The following ABCA13 variants were observed in gnomAD, a reference collection of about 807,000 sequenced individuals.
ABCA13 encodes the protein ATP-binding cassette sub-family A member 13.
In ABCA13, 476 loss-of-function variants were observed where a neutral mutation model predicts 478.7. The observed-to-expected ratio is 0.99, with a 90% confidence interval of 0.92 to 1.07. The LOEUF is 1.07. ABCA13 is among the 50% of genes least tolerant of loss of function. The pLI, the probability that ABCA13 is intolerant of heterozygous loss-of-function variation, is 0.00. For synonymous variants in ABCA13, 2,252 were observed against 2,158.9 expected (o/e 1.04, Z -1.20); for missense variants, 6,060 against 5,910.6 (o/e 1.03, Z -0.83).
intron 58 of ABCA13, among the ~76,000 whole-genome samples, chr7:48,604,087 T>C (rs910141341): frequency 1.3e-5 from 2 of 152,236 alleles, no homozygotes; most frequent in African/African-American, 4.8e-5. Flanking sequence ...ATCCCCTTTA[T>C]CATTTTTTAT....
At chr7:48,319,082 A>G (rs561545713) in intron 27 of ABCA13, among the ~76,000 whole-genome samples, 1 of 152,262 alleles carries the variant, frequency 6.6e-6, no homozygotes, top group Non-Finnish European at 1.5e-5. Context: ...CCCTGGAAAG[A>G]AAGATTGGGC....
chr7:48,283,178 G>T (rs1797280170), intron 19 of ABCA13, among the ~76,000 whole-genome samples: 1 of 152,088 alleles, frequency 6.6e-6, no homozygotes, highest in Non-Finnish European at 1.5e-5. Context: ...TCCACTATCA[G>T]AAGAGGAAGG....
intron 58 of ABCA13, among the ~76,000 whole-genome samples, chr7:48,614,776 A>G (rs1366149317): frequency 6.0e-5 from 9 of 149,724 alleles, no homozygotes; most frequent in African/African-American, 2.2e-4. Context: ...TGAGTAAACT[A>G]TCGCAAGAAC....
At chr7:48,469,852 G>A (rs1230229346) in intron 44 of ABCA13, among the ~76,000 whole-genome samples, 3 of 151,936 alleles carry the variant, frequency 2.0e-5, no homozygotes, top group East Asian at 1.9e-4. Context: ...CCCAGGAGGC[G>A]GAGGTTGTAG....
intron 15 of ABCA13, among the ~76,000 whole-genome samples, chr7:48,253,544 T>C (rs1440059814): frequency 6.6e-6 from 1 of 152,224 alleles, no homozygotes; most frequent in Non-Finnish European, 1.5e-5. Flanking sequence ...TCTAGTGCAA[T>C]GGTGCAATCT....
At chr7:48,292,949 G>A (rs1378714130) in intron 20 of ABCA13, among the ~76,000 whole-genome samples, 1 of 152,176 alleles carries the variant, frequency 6.6e-6, no homozygotes, top group African/African-American at 2.4e-5. Context: ...ATGAATGAAT[G>A]AACAGTCCTA....
chr7:48,622,927 A>T (rs1196992863), intron 59 of ABCA13, among the ~76,000 whole-genome samples: 1 of 152,130 alleles, frequency 6.6e-6, no homozygotes, highest in Non-Finnish European at 1.5e-5. Flanking sequence ...GAACCCCAGC[A>T]TTCTGGTGCT....
intron 41 of ABCA13, among the ~76,000 whole-genome samples, chr7:48,422,529 G>A (rs773592922): frequency 1.3e-5 from 2 of 152,178 alleles, no homozygotes; most frequent in Non-Finnish European, 2.9e-5. Context: ...GTAATGAGCT[G>A]ACCAAAATCA....
chr7:48,497,433 C>A (rs923525354), intron 48 of ABCA13, among the ~76,000 whole-genome samples: 1 of 152,016 alleles, frequency 6.6e-6, no homozygotes, highest in Non-Finnish European at 1.5e-5. Context: ...TTTTTTATTG[C>A]CTTTTTCAAC....
chr7:48,339,183 G>T (rs1368435313), intron 29 of ABCA13, among the ~76,000 whole-genome samples: 1 of 152,120 alleles, frequency 6.6e-6, no homozygotes, highest in African/African-American at 2.4e-5. Context: ...AAGGGTTTCG[G>T]ATCTGCCTTA....
rs1810601670 is a variant in ABCA13, at chr7:48,360,191, T to TC, written c.10689-7598dup. On this transcript the variant is annotated intron_variant, in intron 31 of 61. Coordinates refer to ENST00000435803, the MANE Select transcript of ABCA13 (RefSeq NM_152701.5). ...ATCTCCTAATGCTATCCCTCCCCCC[T>TC]CCCCCACCCCATGACAGGCCCCGGT... Among the ~76,000 whole-genome samples the TC allele has an allele frequency of 5.5e-5, 4 of 72,284 alleles. No homozygotes were observed. The South Asian group carries it at 2.3e-3, about 41-fold the overall frequency. 47.4% of individuals were successfully genotyped at this position (72,284 alleles called of 152,430 possible). A position where few individuals can be genotyped will look rare whatever the true frequency, so the allele number is the denominator to read the frequency against.
rs1227005906 is a variant in ABCA13 at position 48,643,346 on chromosome 7, A to C, written c.14896A>C (p.Thr4966Pro). The C allele has an allele frequency of 1.2e-6, 2 of 1,613,734 alleles. No individual in the cohort carries two copies. Among genetic ancestry groups the C allele is most frequent in the Non-Finnish European group, 1.7e-6 (2 of 1,179,736 alleles). Residue 4966 changes from threonine (T) to proline (P), a missense_variant, in exon 60 of 62, where the codon ACT becomes CCT. By Grantham distance (38) the Thr-to-Pro change is conservative. Around this residue, in one of 3 missense-constraint regions of ABCA13, gnomAD observed 1,627 missense variants for 1,571.0 expected, o/e 1.04. Transcript: ENST00000435803. Reference sequence around the variant, plus strand: ...CTGTAAGGAAGCAAATCAACATTGCACTGTTTCTGACCACTTGAAGCTTTA... The same window carrying C: ...CTGTAAGGAAGCAAATCAACATTGCCCTGTTTCTGACCACTTGAAGCTTTA... ...WLCKEANQHC[T>P]VSDHLKLYFP...
chr7:48,234,191 C>T, intron 8 of ABCA13, 40 bp downstream of exon 8: 2 of 1,613,298 alleles, frequency 1.2e-6, no homozygotes, highest in Non-Finnish European at 1.7e-6. Flanking sequence ...CTGGGCCTTT[C>T]CTGGAGACTG....
At chr7:48,312,921 T>G (rs1801982177) in intron 24 of ABCA13, 146 bp from the exon 25 acceptor site, 1 of 764,644 alleles carries the variant, frequency 1.3e-6, no homozygotes, top group Non-Finnish European at 1.9e-6. Context: ...TGAAGATAAC[T>G]TTCATATAGT....
intron 58 of ABCA13, among the ~76,000 whole-genome samples, chr7:48,602,774 G>A (rs1435475135): frequency 6.6e-6 from 1 of 151,930 alleles, no homozygotes; most frequent in African/African-American, 2.4e-5. Context: ...GAAAGTCAGT[G>A]GTAGCTTGAT....
chr7:48,354,251 G>A (rs1418644977), intron 31 of ABCA13, among the ~76,000 whole-genome samples: 1 of 152,024 alleles, frequency 6.6e-6, no homozygotes, highest in Non-Finnish European at 1.5e-5. Flanking sequence ...GCGGGGTTGT[G>A]CTTACGTGGA....
chr7:48,554,964 A>G (rs1315240034), intron 55 of ABCA13, among the ~76,000 whole-genome samples: 1 of 151,640 alleles, frequency 6.6e-6, no homozygotes, highest in Non-Finnish European at 1.5e-5. Flanking sequence ...TCAGTGTGAT[A>G]CTAGCTGTGG....
At position 48,272,502 on chromosome 7, in the gene ABCA13, A is replaced by C; in HGVS notation, c.2836A>C (p.Thr946Pro). Residue 946 changes from threonine to proline, a missense_variant, in exon 17 of 62, where the codon ACT becomes CCT. Thr to Pro is a conservative substitution (Grantham distance 38). Coordinates refer to ENST00000435803, the MANE Select transcript of ABCA13 (RefSeq NM_152701.5). ...PQKQEVDKIL[T>P]HIHLNVFQDK... is the part of the protein sequence containing the mutation. ...AAAACAAGAAGTTGATAAAATTTTG[A>C]CTCACATACACCTAAATGTCTTCCA... 1 of 1,613,742 alleles carries C rather than the reference A, an allele frequency of 6.2e-7. No homozygotes were observed. Among genetic ancestry groups the C allele is most frequent in the East Asian group, 2.2e-5 (1 of 44,854 alleles).
At chr7:48,432,857 A>G (rs540965652) in intron 42 of ABCA13, among the ~76,000 whole-genome samples, 1 of 152,118 alleles carries the variant, frequency 6.6e-6, no homozygotes, top group South Asian at 2.1e-4. Flanking sequence ...TGGATACAAT[A>G]TTTCAGTTAT....
Sources: gnomAD v4.1 joint callset for allele counts (sites outside exome capture counted in the v4.1 genomes callset) on GRCh38, gnomAD v4.1.1 for gene constraint, gnomAD v4.1.1 regional missense constraint, MANE v1.5 for transcripts, NCBI Gene and HGNC (gene_info 2026-07-23, HGNC 2026-07-21) for gene names.